Variants in DLGAP2 observed in about 807,000 individuals in gnomAD.
DLGAP2 encodes DLG associated protein 2, also known as disks large-associated protein 2.
In DLGAP2, 26 loss-of-function variants were observed where a neutral mutation model predicts 100.3. The ratio of observed to expected loss-of-function variants is 0.26; its 90% CI spans 0.19 to 0.36. The LOEUF is 0.36. Ranked by LOEUF, DLGAP2 falls within the 10% of genes least tolerant of loss-of-function variation. The pLI is 1.00. For missense variants in DLGAP2, 1,858 were observed against 1,453.2 expected, an observed-to-expected ratio of 1.28 and a Z score of -4.53; for synonymous variants, 886 against 630.1, an observed-to-expected ratio of 1.41 and a Z score of -6.08.
intron 2 of DLGAP2, among the ~76,000 whole-genome samples, chr8:1,068,579 T>A (rs1279847478): frequency 1.3e-5 from 2 of 152,128 alleles, no homozygotes; most frequent in Non-Finnish European, 1.5e-5. Context: ...CATCCTGTGC[T>A]GTTATTTTGC....
chr8:1,242,796 A>G (rs1438279056), intron 2 of DLGAP2, among the ~76,000 whole-genome samples: 2 of 152,110 alleles, frequency 1.3e-5, no homozygotes, highest in African/African-American at 2.4e-5. Context: ...GGACAGATAG[A>G]TGGATGGACG....
At chr8:889,054 G>T (rs1464312214) in intron 1 of DLGAP2, among the ~76,000 whole-genome samples, 1 of 152,200 alleles carries the variant, frequency 6.6e-6, no homozygotes, top group African/African-American at 2.4e-5. Context: ...AAGGGGGGTT[G>T]TTCTCTGGCG....
At chr8:1,626,953 C>T (rs1347820968) in intron 7 of DLGAP2, 66 bp downstream of exon 7, 15 of 1,523,506 alleles carry the variant, frequency 9.8e-6, no homozygotes, top group East Asian at 7.4e-5. Flanking sequence ...ACGGAGGCCC[C>T]GGCCGCATAG....
At chr8:1,646,925 G>C (rs1449270287) in intron 8 of DLGAP2, among the ~76,000 whole-genome samples, 1 of 152,220 alleles carries the variant, frequency 6.6e-6, no homozygotes, top group African/African-American at 2.4e-5. Flanking sequence ...AGAAGTGATG[G>C]AAAGGCCAGA....
At chr8:1,027,978 G>T (rs1394535302) in intron 2 of DLGAP2, among the ~76,000 whole-genome samples, 1 of 147,328 alleles carries the variant, frequency 6.8e-6, no homozygotes, top group Non-Finnish European at 1.5e-5. Context: ...TCTAGGTGGG[G>T]TGTCAGGCGC....
At position 1,533,856 on chromosome 8, in the gene DLGAP2, C is replaced by G. The variant is rs1801067884; in HGVS notation, c.173-14770C>G. On this transcript the variant is annotated intron_variant, in intron 4 of 14. Coordinates refer to ENST00000637795, the MANE Select transcript of DLGAP2 (RefSeq NM_001346810.2). ...CCTGTTGTCCCAGCTCCTCAGGAGGCTGAGGTGGGAGGATTGCTTGAGCGG... is the reference window on the plus strand; with the variant it reads ...CCTGTTGTCCCAGCTCCTCAGGAGGGTGAGGTGGGAGGATTGCTTGAGCGG... Among the ~76,000 whole-genome samples, 3 of 152,068 alleles carry G rather than the reference C, an allele frequency of 2.0e-5. No homozygotes were observed. The South Asian group carries it at 6.2e-4, about 32-fold the overall frequency.
At chr8:1,412,460 C>G (rs574154510) in intron 3 of DLGAP2, among the ~76,000 whole-genome samples, 1 of 152,194 alleles carries the variant, frequency 6.6e-6, no homozygotes, top group Non-Finnish European at 1.5e-5. Context: ...TCTGATCTCA[C>G]GAATTCAGTG....
chr8:1,455,866 G>A (rs149364219), intron 3 of DLGAP2, among the ~76,000 whole-genome samples: 1 of 152,194 alleles, frequency 6.6e-6, no homozygotes, highest in Admixed American at 6.5e-5. Context: ...ACGGCAGGCG[G>A]TCGGTCTGTC....
chr8:1,449,277 T>C (rs1289777541), intron 3 of DLGAP2, among the ~76,000 whole-genome samples: 1 of 152,152 alleles, frequency 6.6e-6, no homozygotes, highest in East Asian at 1.9e-4. Flanking sequence ...TCCGGGGTAA[T>C]TGTTCTGAGA....
chr8:1,496,391 G>T lies in DLGAP2; in HGVS notation c.107-4975G>T, dbSNP rs189587781. Among the ~76,000 whole-genome samples, 93 of 152,214 alleles carry T rather than the reference G, an allele frequency of 6.1e-4. 1 individual carries two copies. The East Asian group carries it at 0.017, about 28-fold the overall frequency. On this transcript the variant is annotated intron_variant, in intron 3 of 14. Coordinates refer to ENST00000637795, the MANE Select transcript of DLGAP2 (RefSeq NM_001346810.2). ...TCTGAGTATGCGCTCTGCCTCTCTGGTGCTGATTTCCTCACTTTCTGGAAG... is the reference window on the plus strand; with the variant it reads ...TCTGAGTATGCGCTCTGCCTCTCTGTTGCTGATTTCCTCACTTTCTGGAAG...
intron 2 of DLGAP2, among the ~76,000 whole-genome samples, chr8:1,174,177 A>G (rs1282963909): frequency 3.3e-5 from 5 of 152,230 alleles, no homozygotes; most frequent in African/African-American, 9.6e-5. Flanking sequence ...GGAATTAGGT[A>G]CATTTTCCAG....
At chr8:1,179,765 A>C (rs1414874258) in intron 2 of DLGAP2, among the ~76,000 whole-genome samples, 1 of 152,222 alleles carries the variant, frequency 6.6e-6, no homozygotes, top group East Asian at 1.9e-4. Context: ...TGGGAGTACA[A>C]AATTTTGAAC....
At chr8:1,290,527 G>T (rs551996802) in intron 3 of DLGAP2, among the ~76,000 whole-genome samples, 1 of 152,254 alleles carries the variant, frequency 6.6e-6, no homozygotes, top group African/African-American at 2.4e-5. Flanking sequence ...GGGATCAAAG[G>T]TTAGTAGTTA....
chr8:1,375,152 ATCCCCCACCTCCTACATTT>A (rs1383252539), intron 3 of DLGAP2, among the ~76,000 whole-genome samples: 10 of 118,508 alleles, frequency 8.4e-5, no homozygotes, highest in Admixed American at 1.7e-4. Context: ...CTCAGAACTG[ATCCCCCACCTCCTACATTT>A]GGGTTAACGA....
intron 2 of DLGAP2, among the ~76,000 whole-genome samples, chr8:1,226,669 T>C (rs1388689674): frequency 6.6e-6 from 1 of 152,110 alleles, no homozygotes; most frequent in Non-Finnish European, 1.5e-5. Flanking sequence ...TCTCAGAAGA[T>C]GATATAAAAA....
intron 2 of DLGAP2, among the ~76,000 whole-genome samples, chr8:1,076,950 C>G (rs1247804794): frequency 1.4e-5 from 2 of 146,274 alleles, no homozygotes; most frequent in East Asian, 2.0e-4. Flanking sequence ...CCCGGGCCCC[C>G]CAAGACCAAG....
At chr8:990,316 C>G (rs534570208) in intron 2 of DLGAP2, among the ~76,000 whole-genome samples, 2 of 146,978 alleles carry the variant, frequency 1.4e-5, no homozygotes, top group African/African-American at 5.1e-5. Context: ...CCCAGACCCC[C>G]TGCACCCCCA....
At chr8:788,030 G>A (rs1821920956) in intron 1 of DLGAP2, among the ~76,000 whole-genome samples, 1 of 152,256 alleles carries the variant, frequency 6.6e-6, no homozygotes, top group Non-Finnish European at 1.5e-5. Flanking sequence ...GGTGGCCACA[G>A]GGGTCTGCCC....
chr8:870,131 T>G (rs780454695), intron 1 of DLGAP2, among the ~76,000 whole-genome samples: 8 of 152,350 alleles, frequency 5.3e-5, no homozygotes, highest in Middle Eastern at 3.4e-3. Context: ...TCTCTCTGGC[T>G]TCTGTAATAG....
Sources: allele counts gnomAD v4.1 joint callset (sites outside exome capture counted in the v4.1 genomes callset), GRCh38; gene constraint gnomAD v4.1.1; transcripts MANE v1.5; gene names NCBI Gene and HGNC (gene_info 2026-07-23, HGNC 2026-07-21).